CREB3L3: variants seen among roughly 807,000 people sequenced by gnomAD.
CREB3L3 encodes the protein cAMP responsive element binding protein 3 like 3, also known as cyclic AMP-responsive element-binding protein 3-like protein 3.
Under a neutral mutation model 44.6 loss-of-function variants are expected in CREB3L3, and 40 were observed. The observed-to-expected ratio is 0.90, with a 90% CI of 0.70 to 1.17. CREB3L3 has a LOEUF of 1.17. Ranked by LOEUF, CREB3L3 falls within the 50% of genes most tolerant of loss-of-function variation. The pLI is 0.00. For synonymous variants in CREB3L3, 273 were observed against 256.3 expected, an observed-to-expected ratio of 1.06 and a Z score of -0.62; for missense variants, 578 against 595.8, an observed-to-expected ratio of 0.97 and a Z score of 0.31.
chr19:4,157,134 A>T lies in CREB3L3; in HGVS notation c.296A>T (p.Asp99Val). 2 of 1,613,620 alleles carry T rather than the reference A, an allele frequency of 1.2e-6. No individual in the cohort carries two copies. The highest frequency in any genetic ancestry group is 1.7e-6 in the Non-Finnish European group (2 of 1,179,894). Residue 99 changes from aspartate to valine, a missense_variant, in exon 3 of 10, where the codon GAC (aspartate) becomes GTC (valine). Coordinates refer to ENST00000078445, the MANE Select transcript of CREB3L3 (RefSeq NM_032607.3). ...GAAGACCTCCCCTCCGACCCCCAGG[A>T]CACCCCTCCACGCAGCGGACCAGCC... The part of the protein sequence containing the change: ...ISEDLPSDPQ[D>V]TPPRSGPATS...
At chr19:4,157,657 T>G (rs1599332070) in intron 3 of CREB3L3, among the ~76,000 whole-genome samples, 1 of 152,146 alleles carries the variant, frequency 6.6e-6, no homozygotes, top group Non-Finnish European at 1.5e-5. Context: ...ACCCCGTGCC[T>G]GGTTCCTAGT....
In CREB3L3 at chr19:4,171,841, A is replaced by C; in HGVS notation, c.1258A>C (p.Asn420His). 6.2e-7 allele frequency: 1 copy of C among 1,613,644 alleles called. No individual in the cohort carries two copies. Among genetic ancestry groups the C allele is most frequent in the Non-Finnish European group, 8.5e-7 (1 of 1,180,012 alleles). ...GACCAATTCGACGGAGGAGCTGGACAACGCCACCCTGGTCCTGAGGAATGC... is the reference window on the plus strand; with the variant it reads ...GACCAATTCGACGGAGGAGCTGGACCACGCCACCCTGGTCCTGAGGAATGC... ...NLTNSTEELDNATLVLRNATE... is the reference protein window; with the variant it reads ...NLTNSTEELDHATLVLRNATE... Residue 420 changes from asparagine (N) to histidine (H), a missense_variant, in exon 10 of 10, where the codon AAC becomes CAC. Transcript: ENST00000078445. The surrounding 1 kb of genome is among the most constrained non-coding windows in gnomAD (Gnocchi z 4.9).
intron 3 of CREB3L3, 33 bp downstream of exon 3, chr19:4,157,328 C>G (rs754521474): frequency 1.2e-6 from 2 of 1,609,814 alleles, no homozygotes; most frequent in African/African-American, 2.7e-5. Context: ...CCACCGCCCT[C>G]ACCTTGTTCC....
chr19:4,167,145 C>A (rs1342683298), intron 5 of CREB3L3, among the ~76,000 whole-genome samples: 1 of 152,016 alleles, frequency 6.6e-6, no homozygotes, highest in Non-Finnish European at 1.5e-5. Flanking sequence ...GAGTTTGAGA[C>A]CAGCCTGGCC....
chr19:4,166,133 G>A (rs1440619303), intron 5 of CREB3L3, among the ~76,000 whole-genome samples: 1 of 151,292 alleles, frequency 6.6e-6, no homozygotes, highest in Non-Finnish European at 1.5e-5. Flanking sequence ...CTGTTGCCCA[G>A]GCTGGAGTGG....
At chr19:4,167,880 T>C (rs1014774362) in intron 5 of CREB3L3, among the ~76,000 whole-genome samples, 3 of 151,972 alleles carry the variant, frequency 2.0e-5, no homozygotes, top group African/African-American at 4.8e-5. Flanking sequence ...TGGGGTGAAG[T>C]TGTGGGGTCG....
intron 3 of CREB3L3, 38 bp downstream of exon 3, chr19:4,157,333 T>G (rs780684198): frequency 6.2e-7 from 1 of 1,606,308 alleles, no homozygotes; most frequent in Non-Finnish European, 8.5e-7. Context: ...GCCCTCACCT[T>G]GTTCCAGGGC....
At position 4,172,815 on chromosome 19, in the gene CREB3L3, A is replaced by G. The variant is rs556171760; in HGVS notation, c.*846A>G. On this transcript the variant is annotated 3_prime_UTR_variant, in exon 10 of 10. Coordinates refer to ENST00000078445, the MANE Select transcript of CREB3L3 (RefSeq NM_032607.3). ...AAAACAGACCTGGACAGACAGGCAG[A>G]CGTAGTCTGAAACAGACCTGAACAG... 5.9e-6 allele frequency: 1 copy of G among 168,258 alleles called. No individual in the cohort carries two copies. Among genetic ancestry groups the G allele is most frequent in the East Asian group, 1.8e-4 (1 of 5,406 alleles). 10.4% of individuals were successfully genotyped at this position (168,258 alleles called of 1,614,324 possible). A position where few individuals can be genotyped will look rare whatever the true frequency, so the allele number is the denominator to read the frequency against.
At position 4,172,462 on chromosome 19, in the gene CREB3L3, GA is replaced by G. The variant is rs1599349514; in HGVS notation, c.*496del. 9.9e-6 allele frequency: 3 copies of G among 303,048 alleles called. No individual in the cohort carries two copies. The highest frequency in any genetic ancestry group is 2.1e-4 in the East Asian group (2 of 9,620). 18.8% of individuals were successfully genotyped at this position (303,048 alleles called of 1,614,324 possible). A position where few individuals can be genotyped will look rare whatever the true frequency, so the allele number is the denominator to read the frequency against. Reference sequence around the variant, plus strand: ...CCAGACAGACAGACAGACACAGCCTGAAACAGACCCGGACAGACAGACAGAC... The same window carrying G: ...CCAGACAGACAGACAGACACAGCCTGAACAGACCCGGACAGACAGACAGAC... On this transcript the variant is annotated 3_prime_UTR_variant, in exon 10 of 10. Coordinates refer to ENST00000078445, the MANE Select transcript of CREB3L3 (RefSeq NM_032607.3).
chr19:4,162,597 T>C (rs1253912512), intron 4 of CREB3L3, among the ~76,000 whole-genome samples: 2 of 147,400 alleles, frequency 1.4e-5, no homozygotes, highest in Non-Finnish European at 3.0e-5. Context: ...GGCAGGAGGA[T>C]CACTTGAGCT....
At position 4,157,022 on chromosome 19, in the gene CREB3L3, G is replaced by A. The variant is rs778927076; in HGVS notation, c.184G>A (p.Asp62Asn). The change falls in exon 3 of 10, where the codon GAC (aspartate) becomes AAC (asparagine). Residue 62 changes from aspartate (D) to asparagine (N), a missense_variant. Physicochemically the swap from Asp to Asn is conservative, Grantham distance 23. Coordinates refer to ENST00000078445, the MANE Select transcript of CREB3L3 (RefSeq NM_032607.3). ...GGTCCTGCCAAACCCCGACTCTGAC[G>A]ACTTCCTCAGCTCCATCCTGGGCTC... is the stretch of plus-strand genomic sequence containing the variant. ...QQVLPNPDSD[D>N]FLSSILGSGD... The A allele has an allele frequency of 1.1e-5, 17 of 1,613,806 alleles. No individual in the cohort carries two copies. Among genetic ancestry groups the A allele is most frequent in the Admixed American group, 5.0e-5 (3 of 59,952 alleles).
At chr19:4,153,845 G>A (rs1041967618) in intron 1 of CREB3L3, 71 bp downstream of exon 1, 48 of 1,548,162 alleles carry the variant, frequency 3.1e-5, no homozygotes, top group Non-Finnish European at 3.7e-5. Context: ...TGCCAGAGCT[G>A]GAAGGACCCC....
chr19:4,163,351 A>AGAAGGAAGGAAGGAAG (rs1555703364), intron 4 of CREB3L3, among the ~76,000 whole-genome samples: 30 of 117,220 alleles, frequency 2.6e-4, no homozygotes, highest in African/African-American at 7.2e-4. Context: ...AAAGAAAGAA[A>AGAAGGAAGGAAGGAAG]GAAGGAAGGA....
Position 4,172,018 on chromosome 19 carries a change from G to C in CREB3L3, c.*49G>C. 1 of 1,513,444 alleles carries C rather than the reference G, an allele frequency of 6.6e-7. No individual in the cohort carries two copies. Among genetic ancestry groups the C allele is most frequent in the South Asian group, 1.2e-5 (1 of 82,654 alleles). The allele number at this position is 1,513,444 out of a possible 1,614,324, so 93.8% of individuals were successfully genotyped here. ...GGCCCCTCTGCCCAGGGGTGCCTTGGGGATGCTGCACTGGGCAGCTACCCA... is the reference window on the plus strand; with the variant it reads ...GGCCCCTCTGCCCAGGGGTGCCTTGCGGATGCTGCACTGGGCAGCTACCCA... On this transcript the variant is annotated 3_prime_UTR_variant, in exon 10 of 10. Transcript: ENST00000078445.
intron 4 of CREB3L3, among the ~76,000 whole-genome samples, chr19:4,163,953 G>A (rs1209775860): frequency 6.8e-6 from 1 of 147,828 alleles, no homozygotes; most frequent in Non-Finnish European, 1.5e-5. Flanking sequence ...TACAGGCGCC[G>A]CCACCATGGT....
In CREB3L3 at chr19:4,172,199, C is replaced by T; in HGVS notation, c.*230C>T. 1 of 602,110 alleles carries T rather than the reference C, an allele frequency of 1.7e-6. No homozygotes were observed. The highest frequency in any genetic ancestry group is 2.0e-5 in the South Asian group (1 of 49,188). The allele number at this position is 602,110 out of a possible 1,614,324, so 37.3% of individuals were successfully genotyped here. Reference sequence around the variant, plus strand: ...GGCCACAGGACCCGGGAAATACACACAGAGCCAGGAGCAGAAGCAAAGAGC... The same window carrying T: ...GGCCACAGGACCCGGGAAATACACATAGAGCCAGGAGCAGAAGCAAAGAGC... On this transcript the variant is annotated 3_prime_UTR_variant, in exon 10 of 10. Coordinates refer to ENST00000078445, the MANE Select transcript of CREB3L3 (RefSeq NM_032607.3).
Position 4,171,548 on chromosome 19 carries a change from G to C in CREB3L3, c.1072+69G>C. On this transcript the variant is annotated intron_variant, in intron 9 of 9. Transcript: ENST00000078445. The surrounding 1 kb of genome is among the most constrained non-coding windows in gnomAD (Gnocchi z 4.9). ...GTCCCCGTCCTGGGCCTCTGGGGGAGGGGGAGAAGACCCCTGTGCCCTTGT... is the reference window on the plus strand; with the variant it reads ...GTCCCCGTCCTGGGCCTCTGGGGGACGGGGAGAAGACCCCTGTGCCCTTGT... The C allele has an allele frequency of 6.2e-7, 1 of 1,600,956 alleles. No homozygotes were observed. Among genetic ancestry groups the C allele is most frequent in the East Asian group, 2.2e-5 (1 of 44,770 alleles).
chr19:4,167,227 C>T (rs955897645), intron 5 of CREB3L3, among the ~76,000 whole-genome samples: 1 of 151,810 alleles, frequency 6.6e-6, no homozygotes, highest in African/African-American at 2.4e-5. Flanking sequence ...CCTGTAATCC[C>T]AGCTACTTGG....
At chr19:4,165,666 G>A (rs1266197258) in intron 5 of CREB3L3, among the ~76,000 whole-genome samples, 1 of 151,930 alleles carries the variant, frequency 6.6e-6, no homozygotes, top group Non-Finnish European at 1.5e-5. Flanking sequence ...TTCGAGACTA[G>A]CCTGGCCAAC....
Sources: gnomAD v4.1 joint callset for allele counts (sites outside exome capture counted in the v4.1 genomes callset) on GRCh38, gnomAD v4.1.1 for gene constraint, Gnocchi (gnomAD v3.1) non-coding constraint, MANE v1.5 for transcripts, NCBI Gene and HGNC (gene_info 2026-07-23, HGNC 2026-07-21) for gene names.